Variants in KIAA1958 observed in about 807,000 individuals in gnomAD.
The protein encoded by KIAA1958 is uncharacterized protein KIAA1958.
In KIAA1958, 14 loss-of-function variants were observed where a neutral mutation model predicts 47.2. The ratio of observed to expected loss-of-function variants is 0.30; its 90% CI spans 0.20 to 0.46. KIAA1958 has a LOEUF of 0.46. Among genes scored for constraint, KIAA1958 ranks in the 20% least tolerant of loss-of-function variants. KIAA1958 has a pLI of 1.00. For synonymous variants in KIAA1958, 354 were observed against 353.3 expected (o/e 1.00, Z -0.02); for missense variants, 803 against 909.2 (o/e 0.88, Z 1.50).
In KIAA1958 at chr9:112,635,198, T is replaced by G. The variant is rs1464216587; in HGVS notation, c.1172-10452T>G. On this transcript the variant is annotated intron_variant, in intron 2 of 3. Transcript: ENST00000337530. ...AACCCATCTGAACCTGAAGTTTTAT[T>G]TTGAGATTCTTTATTTTGTGTGTGT... is the stretch of plus-strand genomic sequence containing the variant. Among the ~76,000 whole-genome samples, 4 of 150,716 alleles carry G rather than the reference T, an allele frequency of 2.7e-5. No homozygotes were observed. In the East Asian group the frequency reaches 7.8e-4, roughly 30 times the overall value.
rs758389578 is a variant in KIAA1958 at position 112,660,182 on chromosome 9, G to A, written c.*113G>A. The A allele has an allele frequency of 8.8e-5, 76 of 867,076 alleles. No individual in the cohort carries two copies. Among genetic ancestry groups the A allele is most frequent in the Admixed American group, 1.4e-4 (6 of 41,436 alleles). The allele number at this position is 867,076 out of a possible 1,614,324, so 53.7% of individuals were successfully genotyped here. A position where few individuals can be genotyped will look rare whatever the true frequency, so the allele number is the denominator to read the frequency against. On this transcript the variant is annotated 3_prime_UTR_variant, in exon 4 of 4. Coordinates refer to ENST00000337530, the MANE Select transcript of KIAA1958 (RefSeq NM_133465.4). ...ACCAGGTGTGACCTCCCGGTCTGGC[G>A]GCTCTCCCCTGGTGTGGCCTGCCCT...
At chr9:112,590,060 G>A (rs1835893217) in intron 2 of KIAA1958, among the ~76,000 whole-genome samples, 1 of 152,174 alleles carries the variant, frequency 6.6e-6, no homozygotes, top group African/African-American at 2.4e-5. Context: ...CCCCTGCATA[G>A]TGTGATGTGG....
At chr9:112,517,212 A>G (rs1391643276) in intron 1 of KIAA1958, among the ~76,000 whole-genome samples, 4 of 92,252 alleles carry the variant, frequency 4.3e-5, no homozygotes, top group Admixed American at 1.2e-4. Context: ...GTAGAACATC[A>G]TAGAGAGTCC....
chr9:112,574,706 A>G lies in KIAA1958; in HGVS notation c.626A>G (p.Glu209Gly). The change falls in exon 2 of 4, where the codon GAA (glutamate) becomes GGA (glycine). Residue 209 changes from glutamate to glycine, a missense_variant. This residue lies in a region of KIAA1958 where 761 missense variants were observed against 829.3 expected (regional missense o/e 0.92). Coordinates refer to ENST00000337530, the MANE Select transcript of KIAA1958 (RefSeq NM_133465.4). ...IIKKIKQEIP[E>G]DYYIVANAEL... ...AAGAAAATCAAACAAGAAATCCCCG[A>G]AGATTATTACATTGTGGCAAATGCA... 6.2e-7 allele frequency: 1 copy of G among 1,614,188 alleles called. No individual in the cohort carries two copies. The highest frequency in any genetic ancestry group is 8.5e-7 in the Non-Finnish European group (1 of 1,180,032).
chr9:112,526,616 A>G (rs1263680319), intron 1 of KIAA1958, among the ~76,000 whole-genome samples: 1 of 152,224 alleles, frequency 6.6e-6, no homozygotes, highest in East Asian at 1.9e-4. Flanking sequence ...GTCAATATCA[A>G]GATGCTAGCA....
At chr9:112,506,715 T>C (rs1021033599) in intron 1 of KIAA1958, among the ~76,000 whole-genome samples, 1 of 152,206 alleles carries the variant, frequency 6.6e-6, no homozygotes, top group African/African-American at 2.4e-5. Flanking sequence ...TTTTTTTTTT[T>C]TCTTGTAAAC....
At chr9:112,553,100 C>T (rs946017610) in intron 1 of KIAA1958, among the ~76,000 whole-genome samples, 1 of 149,750 alleles carries the variant, frequency 6.7e-6, no homozygotes, top group Non-Finnish European at 1.5e-5. Context: ...CCTTTCCTTT[C>T]TTCTCCTCTC....
rs554174173 is a variant in KIAA1958 at position 112,637,220 on chromosome 9, A to G, written c.1172-8430A>G. 1.2e-4 allele frequency among the ~76,000 whole-genome samples: 19 copies of G among 152,294 alleles called. No homozygotes were observed. In the South Asian group the frequency reaches 3.5e-3, roughly 28 times the overall value. On this transcript the variant is annotated intron_variant, in intron 2 of 3. Transcript: ENST00000337530. Reference sequence around the variant, plus strand: ...ACAGCTTATTCGTTGAGAATCACCTACATATTCACACTTTCCAATATTCTT... The same window carrying G: ...ACAGCTTATTCGTTGAGAATCACCTGCATATTCACACTTTCCAATATTCTT...
At chr9:112,583,124 A>G (rs1444282266) in intron 2 of KIAA1958, among the ~76,000 whole-genome samples, 1 of 152,220 alleles carries the variant, frequency 6.6e-6, no homozygotes, top group Admixed American at 6.5e-5. Context: ...TCTATGTGAG[A>G]GAATTCCCTC....
chr9:112,526,726 A>G (rs1021681901), intron 1 of KIAA1958, among the ~76,000 whole-genome samples: 1 of 152,170 alleles, frequency 6.6e-6, no homozygotes, highest in Non-Finnish European at 1.5e-5. Context: ...AACAGCACCA[A>G]TCACACCCAT....
intron 1 of KIAA1958, among the ~76,000 whole-genome samples, chr9:112,543,408 C>T (rs1834976187): frequency 6.6e-6 from 1 of 152,112 alleles, no homozygotes; most frequent in Non-Finnish European, 1.5e-5. Context: ...CACTAATAAC[C>T]ATTAGTAAAT....
In KIAA1958 at chr9:112,664,166, C is replaced by G. The variant is rs1385943276; in HGVS notation, c.*4097C>G. 6.6e-6 allele frequency: 1 copy of G among 152,218 alleles called. No homozygotes were observed. The highest frequency in any genetic ancestry group is 1.5e-5 in the Non-Finnish European group (1 of 68,042). 9.4% of individuals were successfully genotyped at this position (152,218 alleles called of 1,614,324 possible). A position where few individuals can be genotyped will look rare whatever the true frequency, so the allele number is the denominator to read the frequency against. ...CCTAATTCCTGAAGATAGTTAGTCT[C>G]CTAATTAAGTGCTTCTCACTATATT... On this transcript the variant is annotated 3_prime_UTR_variant, in exon 4 of 4. Coordinates refer to ENST00000337530, the MANE Select transcript of KIAA1958 (RefSeq NM_133465.4).
At chr9:112,542,565 A>G (rs1159641482) in intron 1 of KIAA1958, among the ~76,000 whole-genome samples, 1 of 152,234 alleles carries the variant, frequency 6.6e-6, no homozygotes. Flanking sequence ...AGTGTAAATC[A>G]TTCTACTAAA....
chr9:112,645,516 A>G lies in KIAA1958; in HGVS notation c.1172-134A>G, dbSNP rs1836960393. On this transcript the variant is annotated intron_variant, in intron 2 of 3. Transcript: ENST00000337530. ...TATATACAGATAGATATAGATATAC[A>G]TATACTTTAATAGACATTTCATGTT... The G allele has an allele frequency of 8.2e-6, 5 of 608,602 alleles. No homozygotes were observed. The Admixed American group carries it at 9.3e-5, about 11-fold the overall frequency. 37.7% of individuals were successfully genotyped at this position (608,602 alleles called of 1,614,324 possible).
chr9:112,515,881 T>TAAAA (rs1359427942), intron 1 of KIAA1958, among the ~76,000 whole-genome samples: 2 of 20,904 alleles, frequency 9.6e-5, no homozygotes, highest in African/African-American at 2.2e-4. Context: ...GAATTATCAA[T>TAAAA]AAAAAAATAA....
At chr9:112,503,823 C>T (rs4584218) in intron 1 of KIAA1958, among the ~76,000 whole-genome samples, 38,926 of 151,546 alleles carry the variant, frequency 0.26, 5,087 homozygotes, top group Middle Eastern at 0.38. Flanking sequence ...TCCATTTTCC[C>T]TCCTTCCCTG....
chr9:112,555,630 AG>A (rs1835226970), intron 1 of KIAA1958, among the ~76,000 whole-genome samples: 1 of 152,248 alleles, frequency 6.6e-6, no homozygotes, highest in Non-Finnish European at 1.5e-5. Context: ...GTATGCTCAC[AG>A]TATGCTCGCA....
intron 1 of KIAA1958, among the ~76,000 whole-genome samples, chr9:112,527,088 G>A (rs552082486): frequency 7.0e-4 from 107 of 152,240 alleles, no homozygotes; most frequent in South Asian, 1.5e-3. Context: ...TGTTCTCTTT[G>A]CCAGGAATTT....
intron 2 of KIAA1958, among the ~76,000 whole-genome samples, chr9:112,641,934 A>AT (rs1268689879): frequency 1.3e-5 from 2 of 151,914 alleles, no homozygotes; most frequent in Non-Finnish European, 2.9e-5. Flanking sequence ...GAAATGTCTA[A>AT]TTTTTTGTCT....
Sources: allele counts gnomAD v4.1 joint callset (sites outside exome capture counted in the v4.1 genomes callset), GRCh38; gene constraint gnomAD v4.1.1; regional missense constraint gnomAD v4.1.1; transcripts MANE v1.5; gene names NCBI Gene and HGNC (gene_info 2026-07-23, HGNC 2026-07-21).